Variants in POM121 observed in about 807,000 individuals in gnomAD.
POM121 encodes POM121 transmembrane nucleoporin.
A neutral mutation model predicts 81.3 loss-of-function variants in POM121; 32 were observed. The observed-to-expected ratio is 0.39, with a 90% confidence interval of 0.30 to 0.53. POM121 has a LOEUF of 0.53. Among genes scored for constraint, POM121 ranks in the 20% least tolerant of loss-of-function variants. The pLI is 0.66. For missense variants in POM121, 1,138 were observed against 1,614.6 expected, an observed-to-expected ratio of 0.70 and a Z score of 5.06; for synonymous variants, 514 against 694.2, an observed-to-expected ratio of 0.74 and a Z score of 4.08.
In POM121 at chr7:72,947,875, G is replaced by A. The variant is rs1554503665; in HGVS notation, c.*1641G>A. The A allele has an allele frequency of 5.0e-6, 5 of 994,348 alleles. No individual in the cohort carries two copies. The highest frequency in any genetic ancestry group is 6.0e-6 in the Non-Finnish European group (5 of 834,616). 61.6% of individuals were successfully genotyped at this position (994,348 alleles called of 1,614,324 possible). A position where few individuals can be genotyped will look rare whatever the true frequency, so the allele number is the denominator to read the frequency against. The stretch of plus-strand genomic sequence containing the variant: ...CCCCGATGTGACTGAGGGTGAGTGA[G>A]TGGTGGCGGGGCTGCTCCTTCCCAC... On this transcript the variant is annotated 3_prime_UTR_variant, in exon 13 of 13. Transcript: ENST00000434423.
Position 72,925,367 on chromosome 7 carries a change from C to A in POM121, c.246C>A (p.Phe82Leu). The change falls in exon 1 of 13, where the codon TTC becomes TTA. Residue 82 changes from phenylalanine (F) to leucine (L), a missense_variant. Transcript: ENST00000434423. Reference sequence around the variant, plus strand: ...GAGGTTCGCGCCCCTTGTCCTCCTTCGTTCGGAAGGCGCGTCATCGGCGCC... The same window carrying A: ...GAGGTTCGCGCCCCTTGTCCTCCTTAGTTCGGAAGGCGCGTCATCGGCGCC... ...EPRGSRPLSS[F>L]VRKARHRRPL... is the part of the protein sequence containing the mutation. 2.0e-6 allele frequency: 3 copies of A among 1,523,006 alleles called. No individual in the cohort carries two copies. Among genetic ancestry groups the A allele is most frequent in the Non-Finnish European group, 8.8e-7 (1 of 1,137,064 alleles). 94.3% of individuals were successfully genotyped at this position (1,523,006 alleles called of 1,614,324 possible). A position where few individuals can be genotyped will look rare whatever the true frequency, so the allele number is the denominator to read the frequency against.
intron 4 of POM121, among the ~76,000 whole-genome samples, chr7:72,916,358 G>A (rs1412724174): frequency 2.6e-5 from 4 of 152,200 alleles, no homozygotes; most frequent in African/African-American, 7.2e-5. Flanking sequence ...AAGGTGTAAG[G>A]ACAGGGTCCA....
intron 4 of POM121, among the ~76,000 whole-genome samples, chr7:72,919,181 C>T (rs1794572944): frequency 6.7e-6 from 1 of 148,226 alleles, no homozygotes; most frequent in South Asian, 2.1e-4. Context: ...GCTGGGATTA[C>T]AGGCGTAAGC....
intron 1 of POM121, chr7:72,879,902 C>A: frequency 2.0e-6 from 1 of 511,068 alleles, no homozygotes; most frequent in Non-Finnish European, 3.9e-6. Context: ...CTTGGGTTTT[C>A]GGGCCCGGAG....
rs560985568 is a variant in POM121 at position 72,882,357 on chromosome 7, G to A, written c.-521+2472G>A. Reference sequence around the variant, plus strand: ...CAATTGGACATGAGATTTGGGAGGCGACACACACCGAAACCATATCACCAT... The same window carrying A: ...CAATTGGACATGAGATTTGGGAGGCAACACACACCGAAACCATATCACCAT... On this transcript the variant is annotated intron_variant, in intron 1 of 15. Transcript: ENST00000395270. Among the ~76,000 whole-genome samples, 10 of 152,186 alleles carry A rather than the reference G, an allele frequency of 6.6e-5. No homozygotes were observed. The South Asian group carries it at 1.9e-3, about 28-fold the overall frequency.
intron 10 of POM121, 144 bp downstream of exon 10, chr7:72,941,137 G>A (rs879947344): frequency 2.0e-4 from 122 of 600,496 alleles, no homozygotes; most frequent in Middle Eastern, 1.3e-3. Flanking sequence ...GCGGGCCCAC[G>A]TTTAACAGCG....
chr7:72,941,065 G>A (rs1457365129), intron 10 of POM121, 72 bp downstream of exon 10: 49 of 1,604,512 alleles, frequency 3.1e-5, no homozygotes, highest in Admixed American at 3.5e-5. Context: ...TAAGGGCGTC[G>A]TGCCTGTCAG....
chr7:72,936,878 G>A (rs1418988815), intron 5 of POM121, among the ~76,000 whole-genome samples: 1 of 152,034 alleles, frequency 6.6e-6, no homozygotes, highest in East Asian at 1.9e-4. Flanking sequence ...AAACTCCTGG[G>A]CTCAAGCAGT....
downstream of POM121, chr7:72,948,386 A>G (rs1433343866): frequency 6.2e-7 from 1 of 1,613,250 alleles, no homozygotes; most frequent in Non-Finnish European, 8.5e-7. Flanking sequence ...ATAACCTTTC[A>G]AAACGCAAAC....
chr7:72,893,308 G>A (rs1791491740), intron 3 of POM121, among the ~76,000 whole-genome samples: 1 of 151,932 alleles, frequency 6.6e-6, no homozygotes, highest in Admixed American at 6.5e-5. Flanking sequence ...ACATGGCCAG[G>A]CACGGTGGCT....
intron 4 of POM121, among the ~76,000 whole-genome samples, chr7:72,916,387 T>C (rs1794295658): frequency 1.3e-5 from 2 of 152,230 alleles, no homozygotes; most frequent in South Asian, 2.1e-4. Flanking sequence ...TTTCTGTATA[T>C]GGCTAGCCAG....
At chr7:72,911,974 G>A (rs1283318817) in intron 3 of POM121, among the ~76,000 whole-genome samples, 12 of 152,182 alleles carry the variant, frequency 7.9e-5, no homozygotes, top group Non-Finnish European at 1.5e-4. Context: ...TCACTGCAGC[G>A]TTGACTTCCT....
At chr7:72,920,411 C>T (rs1245832306), upstream of POM121, among the ~76,000 whole-genome samples, 29 of 146,156 alleles carry the variant, frequency 2.0e-4, no homozygotes, top group Non-Finnish European at 3.6e-4. Flanking sequence ...TGGAGTGGCG[C>T]AATCTCGGCT....
chr7:72,930,317 T>G (rs576817075), intron 5 of POM121, among the ~76,000 whole-genome samples: 1 of 152,254 alleles, frequency 6.6e-6, no homozygotes, highest in African/African-American at 2.4e-5. Flanking sequence ...GAAAATTTTT[T>G]AAATAAAGTA....
chr7:72,917,620 G>A (rs1554495296), intron 4 of POM121, among the ~76,000 whole-genome samples: 1 of 152,212 alleles, frequency 6.6e-6, no homozygotes, highest in East Asian at 1.9e-4. Context: ...GGTTTCAACA[G>A]CTGGAAGTTA....
intron 3 of POM121, among the ~76,000 whole-genome samples, chr7:72,904,702 T>C (rs1554493144): frequency 1.3e-5 from 2 of 152,180 alleles, no homozygotes; most frequent in Non-Finnish European, 1.5e-5. Context: ...TCATTTGGAG[T>C]ATTAGTCAGT....
At chr7:72,926,097 T>A (rs1795417949) in intron 1 of POM121, among the ~76,000 whole-genome samples, 165 bp from the exon 2 acceptor site, 1 of 152,230 alleles carries the variant, frequency 6.6e-6, no homozygotes, top group African/African-American at 2.4e-5. Flanking sequence ...CTCTCTGGCC[T>A]TAGATGGAAT....
chr7:72,925,136 TGCGGCGGCTGGAGCAGGCGAGCG>T lies in POM121; in HGVS notation c.24_46del (p.Gly9HisfsTer114), dbSNP rs1795243613. ...GCGGAGCCGCGATGTCTCCGGCGGC[TGCGGCGGCTGGAGCAGGCGAGCG>T]GCGGCGGCCCATAGCGAGTGTCAGG... On this transcript the variant is annotated frameshift_variant, in exon 1 of 13. Coordinates refer to ENST00000434423, the MANE Select transcript of POM121 (RefSeq NM_001387691.1). LOFTEE classifies it high-confidence loss of function. The T allele has an allele frequency of 9.0e-6, 13 of 1,439,446 alleles. No individual in the cohort carries two copies. Among genetic ancestry groups the T allele is most frequent in the Admixed American group, 6.1e-5 (2 of 32,620 alleles). The allele number at this position is 1,439,446 out of a possible 1,614,324, so 89.2% of individuals were successfully genotyped here.
Position 72,925,300 on chromosome 7 carries a change from T to C in POM121, c.179T>C (p.Val60Ala). The change falls in exon 1 of 13, where the codon GTG becomes GCG. Residue 60 changes from valine (V) to alanine (A), a missense_variant. Physicochemically the swap from Val to Ala is moderately conservative, Grantham distance 64. Around this residue, in one of 7 missense-constraint regions of POM121, gnomAD observed 646 missense variants for 633.5 expected, o/e 1.02. Coordinates refer to ENST00000434423, the MANE Select transcript of POM121 (RefSeq NM_001387691.1). ...PAAAALAWLT[V>A]GATAAWWGLS... ...GCGGCTGCACTGGCCTGGCTGACCG[T>C]GGGGGCTACCGCGGCCTGGTGGGGA... 1 of 1,534,410 alleles carries C rather than the reference T, an allele frequency of 6.5e-7. No individual in the cohort carries two copies. Among genetic ancestry groups the C allele is most frequent in the Non-Finnish European group, 8.7e-7 (1 of 1,146,438 alleles).
Sources: allele counts gnomAD v4.1 joint callset (sites outside exome capture counted in the v4.1 genomes callset), GRCh38; gene constraint gnomAD v4.1.1; regional missense constraint gnomAD v4.1.1; transcripts MANE v1.5; gene names NCBI Gene and HGNC (gene_info 2026-07-23, HGNC 2026-07-21).